SLC4A10: variants seen among roughly 807,000 people sequenced by gnomAD.
SLC4A10 encodes the protein solute carrier family 4 member 10, also known as sodium-driven chloride bicarbonate exchanger.
A neutral mutation model predicts 137.7 loss-of-function variants in SLC4A10; 42 were observed. That is an observed-to-expected ratio of 0.30 (90% CI 0.24 to 0.39). The LOEUF (loss-of-function observed/expected upper bound fraction) is 0.39. SLC4A10 is among the 10% of genes least tolerant of loss of function. The probability of loss-of-function intolerance (pLI) is 1.00; values close to 1 mark genes in which losing one functional copy is unlikely to be tolerated. For missense variants in SLC4A10, 925 were observed against 1,355.0 expected (o/e 0.68, Z 4.98); for synonymous variants, 474 against 464.1 (o/e 1.02, Z -0.27).
intron 1 of SLC4A10, among the ~76,000 whole-genome samples, chr2:161,684,551 G>A (rs2041191150): frequency 1.3e-5 from 2 of 152,138 alleles, no homozygotes; most frequent in African/African-American, 2.4e-5. Flanking sequence ...TCTGGGGATA[G>A]GGTATTATAA....
intron 3 of SLC4A10, among the ~76,000 whole-genome samples, chr2:161,817,654 GT>G (rs1485225125): frequency 1.3e-5 from 2 of 152,118 alleles, no homozygotes; most frequent in Admixed American, 6.5e-5. Flanking sequence ...ATTAATTTTT[GT>G]ATATGGTGTA....
intron 19 of SLC4A10, among the ~76,000 whole-genome samples, chr2:161,954,230 T>A (rs1371260473): frequency 6.6e-6 from 1 of 152,184 alleles, no homozygotes; most frequent in Non-Finnish European, 1.5e-5. Flanking sequence ...ATCTATAGTC[T>A]TTTATGTGGT....
chr2:161,701,303 A>AAC (rs1451872599), intron 1 of SLC4A10, among the ~76,000 whole-genome samples: 1 of 151,990 alleles, frequency 6.6e-6, no homozygotes, highest in East Asian at 1.9e-4. Context: ...ATGATCTGTG[A>AAC]ACCTGTCTGT....
chr2:161,877,361 T>C (rs1258903659), intron 8 of SLC4A10, among the ~76,000 whole-genome samples: 1 of 152,094 alleles, frequency 6.6e-6, no homozygotes, highest in Non-Finnish European at 1.5e-5. Context: ...ATCATTGTTC[T>C]TTCCATTGAG....
chr2:161,649,372 C>T (rs900350246), intron 1 of SLC4A10, among the ~76,000 whole-genome samples: 10 of 152,142 alleles, frequency 6.6e-5, no homozygotes, highest in African/African-American at 2.4e-4. Flanking sequence ...AAAAAAATTG[C>T]TTTTGCCAAT....
intron 4 of SLC4A10, 97 bp from the exon 5 acceptor site, chr2:161,854,873 T>C (rs2060015943): frequency 8.2e-7 from 1 of 1,221,634 alleles, no homozygotes. Context: ...CAAGACACAA[T>C]ATGACTATTT....
intron 26 of SLC4A10, among the ~76,000 whole-genome samples, chr2:161,979,536 T>TAC (rs1699907955): frequency 6.6e-6 from 1 of 152,250 alleles, no homozygotes; most frequent in Non-Finnish European, 1.5e-5. Flanking sequence ...GAGAAACATC[T>TAC]TTTGGTTGGT....
At chr2:161,699,608 A>G (rs58706706) in intron 1 of SLC4A10, among the ~76,000 whole-genome samples, 2,735 of 152,324 alleles carry the variant, frequency 0.018, 53 homozygotes, top group African/African-American at 0.051. Flanking sequence ...GGATCTTAAT[A>G]ATTGTAAATG....
At chr2:161,914,859 C>T (rs990135763) in intron 15 of SLC4A10, among the ~76,000 whole-genome samples, 4 of 151,966 alleles carry the variant, frequency 2.6e-5, no homozygotes, top group Non-Finnish European at 4.4e-5. Context: ...GAAGTCATAT[C>T]GATAGTAACA....
intron 1 of SLC4A10, among the ~76,000 whole-genome samples, chr2:161,625,559 G>T (rs2032162646): frequency 6.6e-6 from 1 of 152,090 alleles, no homozygotes; most frequent in Non-Finnish European, 1.5e-5. Context: ...TACTAAGGTT[G>T]GTGACCCACC....
At position 161,983,239 on chromosome 2, in the gene SLC4A10, T is replaced by C. The variant is rs1445057677; in HGVS notation, c.*87T>C. 1.3e-6 allele frequency: 2 copies of C among 1,536,442 alleles called. No homozygotes were observed. Among genetic ancestry groups the C allele is most frequent in the Admixed American group, 3.9e-5 (2 of 50,968 alleles). On this transcript the variant is annotated 3_prime_UTR_variant, in exon 27 of 27. Transcript: ENST00000446997. ...GGAAAGGTGTTGACAGGGAGACTTG[T>C]CTATGACTCGATCTTCAATTTATTT...
chr2:161,703,655 A>G (rs2043357484), intron 1 of SLC4A10, among the ~76,000 whole-genome samples: 1 of 151,720 alleles, frequency 6.6e-6, no homozygotes, highest in African/African-American at 2.4e-5. Context: ...GTGATCTCCT[A>G]TACAGTTTTA....
intron 15 of SLC4A10, among the ~76,000 whole-genome samples, chr2:161,934,486 A>C (rs763692315): frequency 4.6e-5 from 7 of 152,212 alleles, no homozygotes; most frequent in Non-Finnish European, 8.8e-5. Context: ...ATGTTGACAC[A>C]AATGACAGGA....
At chr2:161,707,498 A>G (rs1035468746) in intron 1 of SLC4A10, among the ~76,000 whole-genome samples, 3 of 150,860 alleles carry the variant, frequency 2.0e-5, no homozygotes, top group Middle Eastern at 3.2e-3. Context: ...CTTTAGTTAT[A>G]AAACACAACC....
In SLC4A10 at chr2:161,894,712, C is replaced by T. The variant is rs558073659; in HGVS notation, c.1228C>T (p.Arg410Cys). Residue 410 changes from arginine to cysteine, a missense_variant, in exon 11 of 27, where the codon CGT (arginine) becomes TGT (cysteine). This residue lies in a region of SLC4A10 where 277 missense variants were observed against 306.1 expected (regional missense o/e 0.90). Coordinates refer to ENST00000446997, the MANE Select transcript of SLC4A10 (RefSeq NM_001178015.2). ...TGATGTTGCCTATAAAGCTAAAGAT[C>T]GTAATGACTTGGTATCAGGAATTGA... ...FHDVAYKAKD[R>C]NDLVSGIDEF... 24 of 1,436,588 alleles carry T rather than the reference C, an allele frequency of 1.7e-5. 1 individual carries two copies. Among genetic ancestry groups the T allele is most frequent in the East Asian group, 2.7e-5 (1 of 37,360 alleles). 89.0% of individuals were successfully genotyped at this position (1,436,588 alleles called of 1,614,324 possible).
intron 7 of SLC4A10, among the ~76,000 whole-genome samples, chr2:161,872,791 G>T (rs192894558): frequency 2.6e-5 from 4 of 152,278 alleles, no homozygotes; most frequent in African/African-American, 7.2e-5. Context: ...TTGGCTCACT[G>T]CAACCTCCGC....
chr2:161,695,777 G>C (rs1485942605), intron 1 of SLC4A10, among the ~76,000 whole-genome samples: 2 of 152,088 alleles, frequency 1.3e-5, no homozygotes, highest in Non-Finnish European at 2.9e-5. Context: ...TTAAACTTAA[G>C]AGCTTCTTAA....
chr2:161,908,265 CAG>C (rs1471303159), intron 15 of SLC4A10, among the ~76,000 whole-genome samples: 1 of 151,678 alleles, frequency 6.6e-6, no homozygotes, highest in African/African-American at 2.4e-5. Flanking sequence ...GGACATCAAA[CAG>C]AATAAGGAAA....
chr2:161,772,701 G>T (rs1447352045), intron 2 of SLC4A10, among the ~76,000 whole-genome samples: 1 of 151,764 alleles, frequency 6.6e-6, no homozygotes, highest in Non-Finnish European at 1.5e-5. Context: ...ATTAACTATA[G>T]AATGCAAATT....
Sources: allele counts gnomAD v4.1 joint callset (sites outside exome capture counted in the v4.1 genomes callset), GRCh38; gene constraint gnomAD v4.1.1; regional missense constraint gnomAD v4.1.1; transcripts MANE v1.5; gene names NCBI Gene and HGNC (gene_info 2026-07-23, HGNC 2026-07-21).